SERGEF: variants seen among roughly 807,000 people sequenced by gnomAD.
SERGEF encodes secretion regulating guanine nucleotide exchange factor.
A neutral mutation model predicts 50.0 loss-of-function variants in SERGEF; 51 were observed. The ratio of observed to expected loss-of-function variants is 1.02; its 90% CI spans 0.81 to 1.29. SERGEF has a LOEUF of 1.29. Among genes scored for constraint, SERGEF ranks in the 50% most tolerant of loss-of-function variants. SERGEF has a pLI of 0.00. For synonymous variants in SERGEF, 205 were observed against 212.4 expected, an observed-to-expected ratio of 0.97 and a Z score of 0.30; for missense variants, 521 against 557.0, an observed-to-expected ratio of 0.94 and a Z score of 0.65.
At chr11:17,917,212 T>C (rs1188130937) in intron 9 of SERGEF, among the ~76,000 whole-genome samples, 1 of 152,216 alleles carries the variant, frequency 6.6e-6, no homozygotes. Flanking sequence ...GTGGTACATA[T>C]ATATGATGAA....
intron 9 of SERGEF, among the ~76,000 whole-genome samples, chr11:17,916,394 C>T (rs1852049038): frequency 6.6e-6 from 1 of 152,148 alleles, no homozygotes; most frequent in African/African-American, 2.4e-5. Flanking sequence ...TTGTGTTGGA[C>T]ATAGATGAAA....
intron 10 of SERGEF, among the ~76,000 whole-genome samples, chr11:17,792,707 C>G (rs1590115985): frequency 6.6e-6 from 1 of 152,126 alleles, no homozygotes; most frequent in Non-Finnish European, 1.5e-5. Context: ...GAGGCAGCCA[C>G]AATTTACAGA....
chr11:17,844,876 C>T (rs779579246), intron 10 of SERGEF, among the ~76,000 whole-genome samples: 3 of 150,672 alleles, frequency 2.0e-5, no homozygotes, highest in Non-Finnish European at 3.0e-5. Context: ...ACAAAAAGTA[C>T]ACTAACAACA....
At chr11:17,880,606 T>A (rs1851318689) in intron 9 of SERGEF, among the ~76,000 whole-genome samples, 1 of 152,216 alleles carries the variant, frequency 6.6e-6, no homozygotes, top group Non-Finnish European at 1.5e-5. Flanking sequence ...TTTTTCTTTT[T>A]CTTTTTTTCT....
chr11:17,996,250 G>T (rs1180051077), intron 5 of SERGEF, among the ~76,000 whole-genome samples: 1 of 152,074 alleles, frequency 6.6e-6, no homozygotes, highest in African/African-American at 2.4e-5. Context: ...CCCAGACAAA[G>T]CAGAAAAGAA....
chr11:18,006,839 A>C, intron 2 of SERGEF, 93 bp from the exon 3 acceptor site: 5 of 1,444,230 alleles, frequency 3.5e-6, no homozygotes, highest in Non-Finnish European at 4.8e-6. Flanking sequence ...TTGGACTCTC[A>C]GACCAATAAC....
intron 8 of SERGEF, among the ~76,000 whole-genome samples, chr11:17,981,866 C>T (rs1471303095): frequency 1.3e-5 from 2 of 152,060 alleles, no homozygotes; most frequent in African/African-American, 4.8e-5. Flanking sequence ...AGTGGCGCAA[C>T]CTTAGCTTAC....
intron 9 of SERGEF, among the ~76,000 whole-genome samples, chr11:17,896,318 T>C (rs1395054877): frequency 6.6e-6 from 1 of 152,106 alleles, no homozygotes; most frequent in Non-Finnish European, 1.5e-5. Context: ...CATTAGCTCA[T>C]TTAATCTGTG....
chr11:17,844,679 C>T (rs4756924), intron 10 of SERGEF, among the ~76,000 whole-genome samples: 46,866 of 152,032 alleles, frequency 0.31, 8,346 homozygotes, highest in East Asian at 0.45. Context: ...GCCAGCTTCT[C>T]TGCAGTGATC....
chr11:17,792,540 G>A (rs1287733578), intron 10 of SERGEF, among the ~76,000 whole-genome samples: 4 of 152,172 alleles, frequency 2.6e-5, no homozygotes, highest in Admixed American at 6.5e-5. Flanking sequence ...GCCTGGGACC[G>A]GGGTAGCCAA....
chr11:17,969,317 A>G (rs950422521), intron 8 of SERGEF, among the ~76,000 whole-genome samples: 2 of 152,338 alleles, frequency 1.3e-5, no homozygotes, highest in African/African-American at 2.4e-5. Flanking sequence ...CTCATTTCAC[A>G]TTCAAACTCT....
chr11:17,928,558 A>G (rs932758221), intron 9 of SERGEF, among the ~76,000 whole-genome samples: 1 of 152,338 alleles, frequency 6.6e-6, no homozygotes, highest in African/African-American at 2.4e-5. Flanking sequence ...GTCTCTAGCT[A>G]TAGTGGCCTG....
At chr11:17,837,754 G>A (rs1049671854) in intron 10 of SERGEF, among the ~76,000 whole-genome samples, 1 of 149,492 alleles carries the variant, frequency 6.7e-6, no homozygotes, top group African/African-American at 2.5e-5. Flanking sequence ...TCTGCTTCCC[G>A]GGTTCAAGCG....
At chr11:17,916,292 G>A (rs996636315) in intron 9 of SERGEF, among the ~76,000 whole-genome samples, 1 of 152,070 alleles carries the variant, frequency 6.6e-6, no homozygotes, top group Non-Finnish European at 1.5e-5. Context: ...GATCCTAAAG[G>A]GCTTTCTGAA....
chr11:17,999,039 A>G (rs1396906351), intron 5 of SERGEF, among the ~76,000 whole-genome samples: 1 of 152,244 alleles, frequency 6.6e-6, no homozygotes, highest in Non-Finnish European at 1.5e-5. Context: ...TTACTGATAT[A>G]CACAACTTGG....
intron 10 of SERGEF, among the ~76,000 whole-genome samples, chr11:17,826,690 A>C (rs1033511085): frequency 1.3e-5 from 2 of 152,236 alleles, no homozygotes; most frequent in African/African-American, 4.8e-5. Context: ...TTTATGTCAT[A>C]TATATTTTAC....
intron 9 of SERGEF, chr11:17,918,717 A>G (rs1852098464): frequency 2.2e-6 from 1 of 454,902 alleles, no homozygotes; most frequent in African/African-American, 2.0e-5. Flanking sequence ...CAGAGAATGA[A>G]GTGATCAATT....
At chr11:17,877,389 G>A (rs897796984) in intron 10 of SERGEF, among the ~76,000 whole-genome samples, 2 of 152,126 alleles carry the variant, frequency 1.3e-5, no homozygotes, top group African/African-American at 4.8e-5. Flanking sequence ...TAATAATAAC[G>A]AACATTACCA....
intron 9 of SERGEF, among the ~76,000 whole-genome samples, chr11:17,920,501 A>G (rs1293254251): frequency 6.6e-6 from 1 of 152,244 alleles, no homozygotes; most frequent in Non-Finnish European, 1.5e-5. Flanking sequence ...AATAAATTCA[A>G]TGAACTATCT....
Sources: gnomAD v4.1 joint callset for allele counts (sites outside exome capture counted in the v4.1 genomes callset) on GRCh38, gnomAD v4.1.1 for gene constraint, MANE v1.5 for transcripts, NCBI Gene and HGNC (gene_info 2026-07-23, HGNC 2026-07-21) for gene names.